ADGRB3: variants seen among roughly 807,000 people sequenced by gnomAD.
ADGRB3 encodes the protein brain-specific angiogenesis inhibitor 3.
In ADGRB3, 37 loss-of-function variants were observed where a neutral mutation model predicts 193.4. The observed-to-expected ratio is 0.19, with a 90% CI of 0.15 to 0.25. ADGRB3 has a LOEUF of 0.25. Among genes scored for constraint, ADGRB3 ranks in the 10% least tolerant of loss-of-function variants. The pLI is 1.00. For synonymous variants in ADGRB3, 690 were observed against 644.2 expected, an observed-to-expected ratio of 1.07 and a Z score of -1.08; for missense variants, 1,637 against 1,852.9, an observed-to-expected ratio of 0.88 and a Z score of 2.14.
intron 11 of ADGRB3, among the ~76,000 whole-genome samples, chr6:68,996,355 C>T (rs549522860): frequency 6.6e-6 from 1 of 152,194 alleles, no homozygotes; most frequent in East Asian, 1.9e-4. Context: ...TACCTACATC[C>T]CTAGCAATGT....
At chr6:68,670,898 TA>T (rs1768938559) in intron 3 of ADGRB3, among the ~76,000 whole-genome samples, 1 of 152,038 alleles carries the variant, frequency 6.6e-6, no homozygotes, top group Admixed American at 6.6e-5. Context: ...GAACATTGAA[TA>T]TTTTTCAATT....
intron 17 of ADGRB3, among the ~76,000 whole-genome samples, chr6:69,150,380 A>T (rs1163436142): frequency 6.6e-6 from 1 of 152,144 alleles, no homozygotes; most frequent in Non-Finnish European, 1.5e-5. Flanking sequence ...CTTTCCCCAC[A>T]AACACCACTG....
At chr6:69,133,662 C>CA (rs1457340144) in intron 17 of ADGRB3, among the ~76,000 whole-genome samples, 1 of 129,822 alleles carries the variant, frequency 7.7e-6, no homozygotes, top group Admixed American at 8.7e-5. Context: ...AGAGACACAA[C>CA]AAAAAAAGAA....
chr6:69,143,766 G>A (rs1028431397), intron 17 of ADGRB3, among the ~76,000 whole-genome samples: 1 of 152,110 alleles, frequency 6.6e-6, no homozygotes, highest in African/African-American at 2.4e-5. Context: ...CCAGTACCAT[G>A]CTTTTTTGGT....
chr6:69,346,136 G>A (rs2127323718), intron 26 of ADGRB3, among the ~76,000 whole-genome samples: 1 of 152,286 alleles, frequency 6.6e-6, no homozygotes, highest in East Asian at 1.9e-4. Context: ...CTCATGGATA[G>A]GAAGAATCAA....
At position 69,263,496 on chromosome 6, in the gene ADGRB3, C is replaced by T. The variant is rs537731664; in HGVS notation, c.2814+24270C>T. On this transcript the variant is annotated intron_variant, in intron 20 of 31. Coordinates refer to ENST00000370598, the MANE Select transcript of ADGRB3 (RefSeq NM_001704.3). The stretch of plus-strand genomic sequence containing the variant: ...GCATCATTCAGGTTTCCTAACAGCA[C>T]AGTGTTGGACAGTATGCTCTGGAAG... Among the ~76,000 whole-genome samples, 134 of 151,990 alleles carry T rather than the reference C, an allele frequency of 8.8e-4. 3 individuals are homozygous for T. Among genetic ancestry groups the T allele is most frequent in the Non-Finnish European group, 2.8e-4 (19 of 67,892 alleles).
At chr6:69,335,902 G>A (rs529544132) in intron 24 of ADGRB3, among the ~76,000 whole-genome samples, 6 of 151,796 alleles carry the variant, frequency 4.0e-5, no homozygotes, top group African/African-American at 1.4e-4. Context: ...TTTATAATCA[G>A]TTATTAGAAA....
intron 13 of ADGRB3, among the ~76,000 whole-genome samples, chr6:69,020,003 G>A (rs1770216864): frequency 1.3e-5 from 2 of 151,958 alleles, no homozygotes; most frequent in Admixed American, 1.3e-4. Context: ...CACGTGGAAG[G>A]AATCTAGCAA....
chr6:68,860,203 T>C (rs573437685), intron 3 of ADGRB3, among the ~76,000 whole-genome samples: 8 of 152,244 alleles, frequency 5.3e-5, no homozygotes, highest in African/African-American at 1.9e-4. Flanking sequence ...CAGATATATA[T>C]ATAGTTCAAA....
intron 17 of ADGRB3, among the ~76,000 whole-genome samples, chr6:69,198,645 A>G (rs1330202517): frequency 6.6e-6 from 1 of 152,076 alleles, no homozygotes; most frequent in African/African-American, 2.4e-5. Flanking sequence ...AAGAAAGCAA[A>G]TAAAGGAACA....
intron 3 of ADGRB3, among the ~76,000 whole-genome samples, chr6:68,679,083 G>T (rs952506879): frequency 1.3e-5 from 2 of 151,782 alleles, no homozygotes; most frequent in African/African-American, 4.8e-5. Context: ...ATCTATCCTA[G>T]AATTCTCTAA....
chr6:69,027,032 A>G (rs1160003373), intron 13 of ADGRB3, among the ~76,000 whole-genome samples: 2 of 152,180 alleles, frequency 1.3e-5, no homozygotes, highest in Non-Finnish European at 2.9e-5. Flanking sequence ...ATTTTTCTCC[A>G]AAAATAAATT....
At chr6:69,323,896 A>G (rs1768514225) in intron 20 of ADGRB3, among the ~76,000 whole-genome samples, 1 of 151,950 alleles carries the variant, frequency 6.6e-6, no homozygotes, top group Admixed American at 6.6e-5. Context: ...TTATAGTTTT[A>G]TTTCTTTGTA....
chr6:69,284,267 A>G (rs928151066), intron 20 of ADGRB3, among the ~76,000 whole-genome samples: 8 of 151,914 alleles, frequency 5.3e-5, no homozygotes, highest in Admixed American at 5.3e-4. Flanking sequence ...CTGGCACACC[A>G]CCTTGATGCG....
At chr6:69,311,023 T>C (rs1016518649) in intron 20 of ADGRB3, among the ~76,000 whole-genome samples, 5 of 151,630 alleles carry the variant, frequency 3.3e-5, no homozygotes, top group African/African-American at 1.2e-4. Flanking sequence ...CCTGGTAGGG[T>C]TCCAAACTTT....
chr6:69,344,445 G>A (rs527779567), intron 26 of ADGRB3, among the ~76,000 whole-genome samples: 7 of 152,024 alleles, frequency 4.6e-5, no homozygotes, highest in South Asian at 2.1e-4. Context: ...TCCACAAGGC[G>A]TACAGATAAA....
At chr6:68,878,473 G>C (rs1236558211) in intron 3 of ADGRB3, among the ~76,000 whole-genome samples, 2 of 151,896 alleles carry the variant, frequency 1.3e-5, no homozygotes, top group Admixed American at 6.6e-5. Context: ...TTATATTTTA[G>C]ACAGGATCCA....
chr6:68,703,981 A>G (rs1765285656), intron 3 of ADGRB3, among the ~76,000 whole-genome samples: 1 of 152,182 alleles, frequency 6.6e-6, no homozygotes. Context: ...TTTAAATGTC[A>G]TCTTTGTATT....
At chr6:68,673,415 A>G (rs1769013363) in intron 3 of ADGRB3, among the ~76,000 whole-genome samples, 1 of 152,258 alleles carries the variant, frequency 6.6e-6, no homozygotes, top group East Asian at 1.9e-4. Flanking sequence ...AGTGTGTGGT[A>G]TGAAGCAATG....
Sources: allele counts gnomAD v4.1 joint callset (sites outside exome capture counted in the v4.1 genomes callset), GRCh38; gene constraint gnomAD v4.1.1; transcripts MANE v1.5; gene names NCBI Gene and HGNC (gene_info 2026-07-23, HGNC 2026-07-21).